FGF14: variants seen among roughly 807,000 people sequenced by gnomAD.
FGF14 encodes fibroblast growth factor 14.
Under a neutral mutation model 25.5 loss-of-function variants are expected in FGF14, and 5 were observed. That is an observed-to-expected ratio of 0.20 (90% CI 0.10 to 0.41). The LOEUF is 0.41. Ranked by LOEUF, FGF14 falls within the 10% of genes least tolerant of loss-of-function variation. The pLI is 1.00. For synonymous variants in FGF14, 138 were observed against 118.3 expected, an observed-to-expected ratio of 1.17 and a Z score of -1.08; for missense variants, 222 against 320.1, an observed-to-expected ratio of 0.69 and a Z score of 2.34.
chr13:102,027,464 C>T (rs539679504), intron 1 of FGF14, among the ~76,000 whole-genome samples: 42 of 151,966 alleles, frequency 2.8e-4, no homozygotes, highest in East Asian at 9.7e-4. Flanking sequence ...CTATCCTAAA[C>T]GGCTAGCAGG....
At chr13:101,828,398 T>C (rs908807350) in intron 3 of FGF14, among the ~76,000 whole-genome samples, 7 of 152,098 alleles carry the variant, frequency 4.6e-5, no homozygotes, top group Non-Finnish European at 1.0e-4. Context: ...TGGTAACTGT[T>C]TCTATGACCA....
intron 1 of FGF14, among the ~76,000 whole-genome samples, chr13:102,319,127 C>G (rs1018557080): frequency 2.0e-5 from 3 of 152,172 alleles, no homozygotes; most frequent in African/African-American, 7.2e-5. Flanking sequence ...CTATAAATAG[C>G]AGTTAGTCTT....
chr13:101,996,222 C>T (rs2039177594), intron 1 of FGF14, among the ~76,000 whole-genome samples: 1 of 152,068 alleles, frequency 6.6e-6, no homozygotes, highest in South Asian at 2.1e-4. Flanking sequence ...TGAATAGGTA[C>T]AAATTGCCAG....
chr13:102,081,255 T>A (rs1309997683), intron 1 of FGF14, among the ~76,000 whole-genome samples: 3 of 152,224 alleles, frequency 2.0e-5, no homozygotes, highest in African/African-American at 7.2e-5. Context: ...AAGAGAGAAT[T>A]GCATCATCTT....
chr13:101,928,902 C>T (rs921649969), intron 1 of FGF14, among the ~76,000 whole-genome samples: 2 of 151,962 alleles, frequency 1.3e-5, no homozygotes, highest in African/African-American at 4.8e-5. Context: ...GCTATACATA[C>T]TATTATTAAA....
At chr13:101,914,134 A>G (rs1049792742) in intron 1 of FGF14, among the ~76,000 whole-genome samples, 33 of 151,852 alleles carry the variant, frequency 2.2e-4, no homozygotes, top group African/African-American at 7.7e-4. Flanking sequence ...CCCTATGTAA[A>G]GAGTGTGTAA....
chr13:101,733,048 C>G (rs2035914600), intron 3 of FGF14, among the ~76,000 whole-genome samples: 3 of 152,100 alleles, frequency 2.0e-5, no homozygotes, highest in Admixed American at 2.0e-4. Flanking sequence ...AGGCAGAGTA[C>G]TCTTAAGATT....
At chr13:101,864,678 T>C (rs1464118582) in intron 3 of FGF14, among the ~76,000 whole-genome samples, 2 of 152,136 alleles carry the variant, frequency 1.3e-5, no homozygotes, top group Non-Finnish European at 2.9e-5. Flanking sequence ...TCTCCACTTA[T>C]ACAATCTGGT....
intron 1 of FGF14, among the ~76,000 whole-genome samples, chr13:102,376,022 A>G (rs2058032647): frequency 6.6e-6 from 1 of 152,188 alleles, no homozygotes; most frequent in African/African-American, 2.4e-5. Flanking sequence ...TTCTACTGTC[A>G]ATAAAAATGC....
intron 3 of FGF14, among the ~76,000 whole-genome samples, chr13:101,807,303 C>G (rs527542128): frequency 6.6e-6 from 1 of 152,122 alleles, no homozygotes; most frequent in East Asian, 1.9e-4. Context: ...TGAGCAAATC[C>G]ACAAACTCAT....
intron 1 of FGF14, among the ~76,000 whole-genome samples, chr13:102,372,204 C>T (rs1394862043): frequency 1.3e-5 from 2 of 152,080 alleles, no homozygotes; most frequent in Admixed American, 6.6e-5. Context: ...ATAAAACCTG[C>T]CCAACATCTA....
At chr13:101,988,401 C>A (rs2038709599) in intron 1 of FGF14, among the ~76,000 whole-genome samples, 1 of 151,932 alleles carries the variant, frequency 6.6e-6, no homozygotes, top group Non-Finnish European at 1.5e-5. Flanking sequence ...TTCAACCCAA[C>A]ACAAATAAAT....
intron 1 of FGF14, among the ~76,000 whole-genome samples, chr13:101,891,902 C>T (rs1345331201): frequency 6.6e-6 from 1 of 152,062 alleles, no homozygotes; most frequent in Non-Finnish European, 1.5e-5. Flanking sequence ...CTGATACATG[C>T]TTCAGATGGA....
chr13:102,253,386 ACTGTGG>A (rs1442368122), intron 1 of FGF14, among the ~76,000 whole-genome samples: 2 of 152,096 alleles, frequency 1.3e-5, no homozygotes, highest in Non-Finnish European at 2.9e-5. Context: ...ATGGTATCTC[ACTGTGG>A]TTTTGATTTG....
chr13:102,144,241 A>T (rs1594131429), intron 1 of FGF14, among the ~76,000 whole-genome samples: 2 of 152,116 alleles, frequency 1.3e-5, no homozygotes, highest in African/African-American at 2.4e-5. Context: ...AGATTAAAAA[A>T]TTTTTAAAAA....
intron 1 of FGF14, among the ~76,000 whole-genome samples, chr13:102,295,867 C>T (rs1339682591): frequency 6.6e-6 from 1 of 152,150 alleles, no homozygotes; most frequent in South Asian, 2.1e-4. Context: ...CAAGTTCACA[C>T]TGAGGCCATC....
At chr13:101,888,237 G>A (rs527663999) in intron 1 of FGF14, among the ~76,000 whole-genome samples, 32 of 152,224 alleles carry the variant, frequency 2.1e-4, no homozygotes, top group African/African-American at 2.4e-4. Context: ...GTGACCCATC[G>A]GAGTCACATT....
chr13:102,372,735 G>A (rs1202469333), intron 1 of FGF14, among the ~76,000 whole-genome samples: 1 of 151,956 alleles, frequency 6.6e-6, no homozygotes, highest in Non-Finnish European at 1.5e-5. Context: ...TCCTACCACT[G>A]TCAGGAAAAA....
At chr13:101,895,621 G>T (rs1004067529) in intron 1 of FGF14, among the ~76,000 whole-genome samples, 2 of 152,118 alleles carry the variant, frequency 1.3e-5, no homozygotes, top group East Asian at 3.9e-4. Flanking sequence ...ATACCTGCCC[G>T]AGAGAAGTAA....
Sources: allele counts gnomAD v4.1 joint callset (sites outside exome capture counted in the v4.1 genomes callset), GRCh38; gene constraint gnomAD v4.1.1; transcripts MANE v1.5; gene names NCBI Gene and HGNC (gene_info 2026-07-23, HGNC 2026-07-21).